NPIPB2: variants seen among roughly 807,000 people sequenced by gnomAD.
NPIPB2 encodes nuclear pore complex-interacting protein family member B2.
NPIPB2 carries 27 observed loss-of-function variants against 30.8 expected under a neutral mutation model. That is an observed-to-expected ratio of 0.88 (90% CI 0.65 to 1.21). NPIPB2 has a LOEUF of 1.21. NPIPB2 is among the 50% of genes most tolerant of loss of function. NPIPB2 has a pLI of 0.00. For synonymous variants in NPIPB2, 147 were observed against 162.0 expected, an observed-to-expected ratio of 0.91 and a Z score of 0.70; for missense variants, 440 against 446.2, an observed-to-expected ratio of 0.99 and a Z score of 0.13.
At chr16:11,965,152 T>C (rs769982992) in intron 1 of NPIPB2, 2 of 741,288 alleles carry the variant, frequency 2.7e-6, no homozygotes, top group Non-Finnish European at 4.5e-6. Flanking sequence ...ATTCAAATCC[T>C]TAGCTGCCGC....
intron 1 of NPIPB2, among the ~76,000 whole-genome samples, chr16:11,954,336 C>T (rs982267662): frequency 1.8e-4 from 27 of 151,552 alleles, no homozygotes; most frequent in African/African-American, 4.4e-4. Context: ...AAAAATTAGC[C>T]GGTCGTGGTT....
chr16:11,932,703 G>A (rs1238573811), intron 4 of NPIPB2, among the ~76,000 whole-genome samples: 3 of 124,852 alleles, frequency 2.4e-5, no homozygotes, highest in Admixed American at 8.6e-5. Context: ...TTGAACCTGG[G>A]AGGTGGAGGT....
chr16:11,946,165 C>T (rs1261592217), upstream of NPIPB2, among the ~76,000 whole-genome samples: 5 of 151,954 alleles, frequency 3.3e-5, no homozygotes, highest in Middle Eastern at 3.4e-3. Context: ...GCGGGCAGAT[C>T]GCCTGAGGTC....
chr16:11,951,617 C>CAT (rs1482406670), intron 1 of NPIPB2, among the ~76,000 whole-genome samples: 1 of 108,502 alleles, frequency 9.2e-6, no homozygotes, highest in Admixed American at 1.0e-4. Flanking sequence ...GGACACTGCA[C>CAT]ATACACATAC....
intron 1 of NPIPB2, chr16:11,968,061 T>TA: frequency 1.8e-6 from 1 of 552,072 alleles, no homozygotes; most frequent in Non-Finnish European, 3.1e-6. Context: ...AACTCTTTTT[T>TA]TTCCTGACAT....
rs1210669548 is a variant in NPIPB2, at chr16:11,939,546, C to T, written c.64-1878G>A. 1.4e-4 allele frequency among the ~76,000 whole-genome samples: 12 copies of T among 82,888 alleles called. No homozygotes were observed. The South Asian group carries it at 2.4e-3, about 17-fold the overall frequency. 54.4% of individuals were successfully genotyped at this position (82,888 alleles called of 152,430 possible). The stretch of plus-strand genomic sequence containing the variant: ...CTGCACTTCAGCCTGGGTGACAGAG[C>T]GAGACTCTGTCTCAAAAAAAAAAAA... On this transcript the variant is annotated intron_variant, in intron 1 of 7. Transcript: ENST00000399147.
intron 1 of NPIPB2, among the ~76,000 whole-genome samples, chr16:11,952,986 G>A (rs1202403614): frequency 6.6e-6 from 1 of 152,164 alleles, no homozygotes; most frequent in Admixed American, 6.6e-5. Context: ...AACCCCAAGT[G>A]TATTCCCTGT....
chr16:11,938,577 C>T lies in NPIPB2; in HGVS notation c.64-909G>A, dbSNP rs1259164166. Among the ~76,000 whole-genome samples the T allele has an allele frequency of 2.2e-4, 33 of 149,582 alleles. No individual in the cohort carries two copies. The East Asian group carries it at 5.6e-3, about 25-fold the overall frequency. ...AACTCCTGACCTCAGGTAATCTGCC[C>T]GCCTCAGCCTCCCAAAGTGCTGGGA... On this transcript the variant is annotated intron_variant, in intron 1 of 7. Coordinates refer to ENST00000399147, the Ensembl canonical transcript of NPIPB2.
At chr16:11,947,247 C>T (rs1031298299) in intron 1 of NPIPB2, among the ~76,000 whole-genome samples, 46 of 147,042 alleles carry the variant, frequency 3.1e-4, no homozygotes, top group African/African-American at 1.1e-3. Context: ...CCATGCCCAG[C>T]CAATGGTTGA....
chr16:11,952,745 T>A (rs548027492), intron 1 of NPIPB2, among the ~76,000 whole-genome samples: 43 of 151,954 alleles, frequency 2.8e-4, no homozygotes, highest in Non-Finnish European at 5.0e-4. Flanking sequence ...TTGCATTTTT[T>A]AGTAGAGATA....
intron 1 of NPIPB2, among the ~76,000 whole-genome samples, chr16:11,975,695 A>G (rs572984679): frequency 1.3e-5 from 2 of 151,880 alleles, no homozygotes; most frequent in African/African-American, 2.4e-5. Context: ...GGTTCAAGCA[A>G]TTCTCCTGTT....
At chr16:11,961,756 G>A (rs912560987) in intron 1 of NPIPB2, among the ~76,000 whole-genome samples, 2 of 151,072 alleles carry the variant, frequency 1.3e-5, no homozygotes, top group African/African-American at 4.9e-5. Flanking sequence ...CTCCAGCCTG[G>A]GTGACAGAGT....
intron 1 of NPIPB2, among the ~76,000 whole-genome samples, chr16:11,947,485 C>T (rs1232499198): frequency 6.6e-6 from 1 of 151,690 alleles, no homozygotes; most frequent in Non-Finnish European, 1.5e-5. Flanking sequence ...GCTAGGACTA[C>T]AGGCGCACGA....
intron 1 of NPIPB2, among the ~76,000 whole-genome samples, chr16:11,963,350 A>T (rs900713631): frequency 1.3e-5 from 2 of 151,020 alleles, no homozygotes; most frequent in Non-Finnish European, 2.9e-5. Flanking sequence ...ATTGCACTCC[A>T]GCCTGGGCAA....
chr16:11,944,661 G>C (rs2054984058), upstream of NPIPB2, among the ~76,000 whole-genome samples: 2 of 138,772 alleles, frequency 1.4e-5, no homozygotes, highest in African/African-American at 5.2e-5. Flanking sequence ...TACTTGGAAG[G>C]CTGAGGCAGG....
At chr16:11,974,645 C>T (rs962958921) in intron 1 of NPIPB2, among the ~76,000 whole-genome samples, 1 of 152,110 alleles carries the variant, frequency 6.6e-6, no homozygotes, top group African/African-American at 2.4e-5. Context: ...AAAACATCTC[C>T]TTAAGTGTAT....
intron 1 of NPIPB2, chr16:11,967,025 G>T (rs1444024187): frequency 1.0e-5 from 2 of 193,978 alleles, no homozygotes; most frequent in Non-Finnish European, 2.1e-5. Context: ...TTTAGAGATG[G>T]AGTCTCGCTC....
At chr16:11,946,638 G>A (rs2055013125), upstream of NPIPB2, among the ~76,000 whole-genome samples, 1 of 151,994 alleles carries the variant, frequency 6.6e-6, no homozygotes, top group Admixed American at 6.6e-5. Context: ...CTCAAAAAGA[G>A]AATAATAAGT....
At chr16:11,942,629 G>T (rs1322568151), upstream of NPIPB2, among the ~76,000 whole-genome samples, 1 of 152,138 alleles carries the variant, frequency 6.6e-6, no homozygotes, top group Non-Finnish European at 1.5e-5. Flanking sequence ...GACGTCCAAG[G>T]AATCTGTGCA....
Sources: allele counts gnomAD v4.1 joint callset (sites outside exome capture counted in the v4.1 genomes callset), GRCh38; gene constraint gnomAD v4.1.1; transcripts MANE v1.5; gene names NCBI Gene and HGNC (gene_info 2026-07-23, HGNC 2026-07-21).